Variants in KCNC1 observed in about 807,000 individuals in gnomAD.
The protein encoded by KCNC1 is voltage-gated potassium channel KCNC1.
KCNC1 carries 8 observed loss-of-function variants against 43.4 expected under a neutral mutation model. That is an observed-to-expected ratio of 0.18 (90% confidence interval 0.11 to 0.33). KCNC1 has a LOEUF of 0.33. KCNC1 is among the 10% of genes least tolerant of loss of function. KCNC1 has a pLI of 1.00. For synonymous variants in KCNC1, 361 were observed against 360.5 expected (o/e 1.00, Z -0.01); for missense variants, 420 against 836.0 (o/e 0.50, Z 6.14).
chr11:17,771,266 G>C lies in KCNC1; in HGVS notation c.571-399G>C, dbSNP rs1212862264. Among the ~76,000 whole-genome samples, 7 of 87,328 alleles carry C rather than the reference G, an allele frequency of 8.0e-5. No individual in the cohort carries two copies. The highest frequency in any genetic ancestry group is 1.9e-4 in the Non-Finnish European group (7 of 37,044). The allele number at this position is 87,328 out of a possible 152,430, so 57.3% of individuals were successfully genotyped here. A position where few individuals can be genotyped will look rare whatever the true frequency, so the allele number is the denominator to read the frequency against. On this transcript the variant is annotated intron_variant, in intron 1 of 3. Coordinates refer to ENST00000265969, the MANE Select transcript of KCNC1 (RefSeq NM_001112741.2). The surrounding 1 kb of genome is among the most constrained non-coding windows in gnomAD (Gnocchi z 4.7). ...GCAGGCTAGCTAAATGGGCAGGGTA[G>C]CTAAATGCCTTAACAAATCAGCTCC...
chr11:17,739,613 G>A lies in KCNC1; in HGVS notation c.570+3041G>A, dbSNP rs150327403. On this transcript the variant is annotated intron_variant, in intron 1 of 3. Transcript: ENST00000265969. The surrounding 1 kb of genome is among the most constrained non-coding windows in gnomAD (Gnocchi z 4.2). ...TGAGAGTCGAGGTGAGTGTGTCTGC[G>A]TGAGTGTGTGGCTGTGTGTGGCAAG... 1.8e-3 allele frequency among the ~76,000 whole-genome samples: 276 copies of A among 151,430 alleles called. No individual in the cohort carries two copies. Among genetic ancestry groups the A allele is most frequent in the African/African-American group, 6.3e-3 (259 of 41,100 alleles).
chr11:17,749,674 C>T (rs924014895), intron 1 of KCNC1, among the ~76,000 whole-genome samples: 1 of 152,174 alleles, frequency 6.6e-6, no homozygotes, highest in African/African-American at 2.4e-5. Flanking sequence ...AGCTGGAGCC[C>T]TGGGCTAAGG....
At position 17,777,035 on chromosome 11, in the gene KCNC1, G is replaced by A; in HGVS notation, c.1505-2421G>A. On this transcript the variant is annotated intron_variant, in intron 2 of 3. Coordinates refer to ENST00000265969, the MANE Select transcript of KCNC1 (RefSeq NM_001112741.2). The surrounding 1 kb of genome is among the most constrained non-coding windows in gnomAD (Gnocchi z 4.3). ...CGGGAATCCCCCAGGAGGGAAAGGT[G>A]CCAGGCTATCATCCCTCCAGGGATC... 1.0e-6 allele frequency: 1 copy of A among 985,370 alleles called. No homozygotes were observed. The highest frequency in any genetic ancestry group is 1.2e-6 in the Non-Finnish European group (1 of 829,968). 61.0% of individuals were successfully genotyped at this position (985,370 alleles called of 1,614,324 possible).
In KCNC1 at chr11:17,777,901, T is replaced by G. The variant is rs939389794; in HGVS notation, c.1505-1555T>G. On this transcript the variant is annotated intron_variant, in intron 2 of 3. Coordinates refer to ENST00000265969, the MANE Select transcript of KCNC1 (RefSeq NM_001112741.2). This position sits in a 1 kb window ranked among gnomAD's most constrained non-coding sequence, Gnocchi z 4.3. ...CCCACCCACGTGCACGCCCAGCGTGTGCACGTGGGGAAGGATCACTTCTGC... is the reference window on the plus strand; with the variant it reads ...CCCACCCACGTGCACGCCCAGCGTGGGCACGTGGGGAAGGATCACTTCTGC... The G allele has an allele frequency of 1.1e-6, 1 of 951,560 alleles. No homozygotes were observed. The highest frequency in any genetic ancestry group is 1.3e-6 in the Non-Finnish European group (1 of 798,566). The allele number at this position is 951,560 out of a possible 1,614,324, so 58.9% of individuals were successfully genotyped here. A position where few individuals can be genotyped will look rare whatever the true frequency, so the allele number is the denominator to read the frequency against.
At position 17,779,140 on chromosome 11, in the gene KCNC1, C is replaced by T; in HGVS notation, c.1505-316C>T. The stretch of plus-strand genomic sequence containing the variant: ...CATCCACACCATCCTGTTTCATCGG[C>T]CCTGCTTGGGGCCCGGGGCCGGCCC... On this transcript the variant is annotated intron_variant, in intron 2 of 3. Coordinates refer to ENST00000265969, the MANE Select transcript of KCNC1 (RefSeq NM_001112741.2). This position sits in a 1 kb window ranked among gnomAD's most constrained non-coding sequence, Gnocchi z 7.2. The T allele has an allele frequency of 3.9e-6, 1 of 258,050 alleles. No individual in the cohort carries two copies. The highest frequency in any genetic ancestry group is 7.4e-6 in the Non-Finnish European group (1 of 135,892). 16.0% of individuals were successfully genotyped at this position (258,050 alleles called of 1,614,324 possible). A position where few individuals can be genotyped will look rare whatever the true frequency, so the allele number is the denominator to read the frequency against.
At position 17,774,618 on chromosome 11, in the gene KCNC1, C is replaced by G. The variant is rs1849265327; in HGVS notation, c.1504+2020C>G. The G allele has an allele frequency of 6.1e-6, 6 of 985,590 alleles. No homozygotes were observed. The South Asian group carries it at 2.8e-4, about 46-fold the overall frequency. The allele number at this position is 985,590 out of a possible 1,614,324, so 61.1% of individuals were successfully genotyped here. A position where few individuals can be genotyped will look rare whatever the true frequency, so the allele number is the denominator to read the frequency against. Reference sequence around the variant, plus strand: ...ACCCATGCACTCCTGTGGGATTGCCCCTGAGCTCCACAGTCTCTCCCCAGC... The same window carrying G: ...ACCCATGCACTCCTGTGGGATTGCCGCTGAGCTCCACAGTCTCTCCCCAGC... On this transcript the variant is annotated intron_variant, in intron 2 of 3. Coordinates refer to ENST00000265969, the MANE Select transcript of KCNC1 (RefSeq NM_001112741.2).
At chr11:17,767,729 G>A (rs1298013998) in intron 1 of KCNC1, among the ~76,000 whole-genome samples, 11 of 152,220 alleles carry the variant, frequency 7.2e-5, no homozygotes, top group Non-Finnish European at 1.5e-4. Context: ...AGTAGCAGAG[G>A]ACAGGAAGGC....
chr11:17,743,493 C>T (rs529678429), intron 1 of KCNC1, among the ~76,000 whole-genome samples: 26 of 152,372 alleles, frequency 1.7e-4, no homozygotes, highest in African/African-American at 5.0e-4. Flanking sequence ...GCTAAGAGGG[C>T]GCTCTGTCAG....
chr11:17,778,421 T>C (rs924328138), intron 2 of KCNC1, among the ~76,000 whole-genome samples: 3 of 152,262 alleles, frequency 2.0e-5, no homozygotes, highest in Non-Finnish European at 4.4e-5. Flanking sequence ...TTCATCTGCC[T>C]TGCTTTGCCG....
chr11:17,750,727 A>G (rs1385656344), intron 1 of KCNC1, among the ~76,000 whole-genome samples: 1 of 151,916 alleles, frequency 6.6e-6, no homozygotes, highest in African/African-American at 2.4e-5. Context: ...CGTTGCCTCC[A>G]CTGAGAATGC....
chr11:17,745,458 A>G (rs1014511931), intron 1 of KCNC1, among the ~76,000 whole-genome samples: 12 of 152,274 alleles, frequency 7.9e-5, no homozygotes, highest in Admixed American at 1.3e-4. Context: ...CCCCCCGTGG[A>G]AGCCCCTGCC....
Position 17,776,293 on chromosome 11 carries a change from T to C in KCNC1, c.1505-3163T>C. 1.0e-5 allele frequency: 10 copies of C among 985,450 alleles called. No individual in the cohort carries two copies. Among genetic ancestry groups the C allele is most frequent in the African/African-American group, 1.7e-5 (1 of 57,344 alleles). The allele number at this position is 985,450 out of a possible 1,614,324, so 61.0% of individuals were successfully genotyped here. A position where few individuals can be genotyped will look rare whatever the true frequency, so the allele number is the denominator to read the frequency against. On this transcript the variant is annotated intron_variant, in intron 2 of 3. Transcript: ENST00000265969. The surrounding 1 kb of genome is among the most constrained non-coding windows in gnomAD (Gnocchi z 4.4). ...TGTTCCCTGCTCGTGTCTCACAGAC[T>C]GTCCCCATTTAGCCTGAGACTTTTT...
At chr11:17,748,272 A>G (rs954202818) in intron 1 of KCNC1, among the ~76,000 whole-genome samples, 4 of 152,178 alleles carry the variant, frequency 2.6e-5, no homozygotes, top group African/African-American at 9.7e-5. Flanking sequence ...CCTGGGCAGC[A>G]GAGGAAGTGA....
At position 17,755,657 on chromosome 11, in the gene KCNC1, C is replaced by G. The variant is rs141839210; in HGVS notation, c.571-16008C>G. On this transcript the variant is annotated intron_variant, in intron 1 of 3. Coordinates refer to ENST00000265969, the MANE Select transcript of KCNC1 (RefSeq NM_001112741.2). ...AATGTCCTGGAAGGATGGAGACACT[C>G]TCTCATGAGATGGAGAGGCTGCAGG... Among the ~76,000 whole-genome samples the G allele has an allele frequency of 4.3e-3, 660 of 151,904 alleles. 1 individual carries two copies. The highest frequency in any genetic ancestry group is 7.1e-3 in the Non-Finnish European group (485 of 67,974).
At chr11:17,741,535 G>A (rs1304384166) in intron 1 of KCNC1, among the ~76,000 whole-genome samples, 6 of 151,844 alleles carry the variant, frequency 4.0e-5, no homozygotes, top group East Asian at 3.9e-4. Context: ...TCACCTCCCC[G>A]GCAGCCCCCC....
In KCNC1 at chr11:17,735,977, C is replaced by T; in HGVS notation, c.-26C>T. Reference sequence around the variant, plus strand: ...GCCGCTCCCATGGGTGTCGCTGGGCCGCGCCATGCCTAAGGGGGCGCCGCG... The same window carrying T: ...GCCGCTCCCATGGGTGTCGCTGGGCTGCGCCATGCCTAAGGGGGCGCCGCG... On this transcript the variant is annotated 5_prime_UTR_variant, in exon 1 of 4. Coordinates refer to ENST00000265969, the MANE Select transcript of KCNC1 (RefSeq NM_001112741.2). This position sits in a 1 kb window ranked among gnomAD's most constrained non-coding sequence, Gnocchi z 6.7. 7.1e-7 allele frequency: 1 copy of T among 1,411,914 alleles called. No individual in the cohort carries two copies. Among genetic ancestry groups the T allele is most frequent in the Non-Finnish European group, 9.2e-7 (1 of 1,090,242 alleles). The allele number at this position is 1,411,914 out of a possible 1,614,324, so 87.5% of individuals were successfully genotyped here. A position where few individuals can be genotyped will look rare whatever the true frequency, so the allele number is the denominator to read the frequency against.
intron 1 of KCNC1, among the ~76,000 whole-genome samples, chr11:17,752,301 A>C (rs1590097516): frequency 6.6e-6 from 1 of 152,156 alleles, no homozygotes; most frequent in African/African-American, 2.4e-5. Context: ...CCCCAGCACC[A>C]AGCTGCACCC....
intron 1 of KCNC1, among the ~76,000 whole-genome samples, chr11:17,755,453 A>G (rs1590098888): frequency 6.6e-6 from 1 of 152,136 alleles, no homozygotes; most frequent in Non-Finnish European, 1.5e-5. Context: ...AGACTGGTCT[A>G]TTACCATGAC....
intron 1 of KCNC1, among the ~76,000 whole-genome samples, chr11:17,761,144 G>A (rs1455085940): frequency 6.6e-6 from 1 of 152,160 alleles, no homozygotes; most frequent in African/African-American, 2.4e-5. Flanking sequence ...GCTGGATCTT[G>A]GACACACCTG....
Sources: gnomAD v4.1 joint callset for allele counts (sites outside exome capture counted in the v4.1 genomes callset) on GRCh38, gnomAD v4.1.1 for gene constraint, Gnocchi (gnomAD v3.1) non-coding constraint, MANE v1.5 for transcripts, NCBI Gene and HGNC (gene_info 2026-07-23, HGNC 2026-07-21) for gene names.